Variants in CAPN14 observed in about 807,000 individuals in gnomAD.
CAPN14 encodes the protein calpain-14.
A neutral mutation model predicts 101.3 loss-of-function variants in CAPN14; 94 were observed. The ratio of observed to expected loss-of-function variants is 0.93; its 90% CI spans 0.79 to 1.10. The LOEUF (loss-of-function observed/expected upper bound fraction) is 1.10. Among genes scored for constraint, CAPN14 ranks in the 50% least tolerant of loss-of-function variants. The pLI is 0.00. For synonymous variants in CAPN14, 338 were observed against 317.9 expected (o/e 1.06, Z -0.67); for missense variants, 837 against 828.4 (o/e 1.01, Z -0.13).
chr2:31,224,077 T>C (rs1682946721), intron 2 of CAPN14, among the ~76,000 whole-genome samples: 1 of 152,194 alleles, frequency 6.6e-6, no homozygotes, highest in African/African-American at 2.4e-5. Flanking sequence ...CTCTTTAACA[T>C]GTGAATTCCG....
intron 1 of CAPN14, among the ~76,000 whole-genome samples, chr2:31,209,546 C>G (rs1162481024): frequency 2.0e-5 from 3 of 152,144 alleles, no homozygotes; most frequent in African/African-American, 7.2e-5. Context: ...ACTCCAAACC[C>G]CAATCCCTGT....
intron 15 of CAPN14, among the ~76,000 whole-genome samples, chr2:31,187,424 AC>A (rs1240042306): frequency 2.0e-4 from 24 of 117,378 alleles, no homozygotes; most frequent in African/African-American, 8.2e-4. Context: ...CATGCTCTGC[AC>A]CCCCCACCCC....
intron 1 of CAPN14, among the ~76,000 whole-genome samples, chr2:31,231,419 T>C (rs192772265): frequency 8.5e-5 from 13 of 152,360 alleles, no homozygotes; most frequent in Admixed American, 8.5e-4. Context: ...TTCTATAAAG[T>C]TTTATTATTT....
chr2:31,195,553 T>A (rs1183000074), intron 8 of CAPN14, among the ~76,000 whole-genome samples: 7 of 152,158 alleles, frequency 4.6e-5, no homozygotes, highest in Non-Finnish European at 8.8e-5. Flanking sequence ...GCCGGGCTGG[T>A]CTTGAACTCC....
At chr2:31,232,327 C>T (rs1683220200) in intron 1 of CAPN14, among the ~76,000 whole-genome samples, 1 of 152,092 alleles carries the variant, frequency 6.6e-6, no homozygotes, top group Admixed American at 6.5e-5. Context: ...CAAGATCTGA[C>T]AATTCTATTC....
intron 1 of CAPN14, among the ~76,000 whole-genome samples, chr2:31,215,502 G>A (rs987653531): frequency 6.6e-6 from 1 of 152,132 alleles, no homozygotes; most frequent in Non-Finnish European, 1.5e-5. Flanking sequence ...CACACCCTCT[G>A]CTCTGTCCAA....
chr2:31,202,043 T>G, intron 4 of CAPN14, 45 bp from the exon 5 acceptor site: 1 of 1,550,352 alleles, frequency 6.5e-7, no homozygotes, highest in Non-Finnish European at 8.7e-7. Flanking sequence ...CTGCTGCAGA[T>G]GGTGATCAGC....
At position 31,212,055 on chromosome 2, in the gene CAPN14, C is replaced by T. The variant is rs550116597; in HGVS notation, c.-53+5401G>A. Among the ~76,000 whole-genome samples, 18 of 152,272 alleles carry T rather than the reference C, an allele frequency of 1.2e-4. 1 individual carries two copies. The South Asian group carries it at 1.5e-3, about 12-fold the overall frequency. On this transcript the variant is annotated intron_variant, in intron 1 of 21. Transcript: ENST00000403897. The stretch of plus-strand genomic sequence containing the variant: ...AAACATGGCCAGGCACAGTGGCTCA[C>T]GTCTGCAATCCCAGTACCTTGGGAG...
At chr2:31,181,483 C>A (rs1018559482) in intron 16 of CAPN14, among the ~76,000 whole-genome samples, 1 of 106,424 alleles carries the variant, frequency 9.4e-6, no homozygotes, top group African/African-American at 3.8e-5. Context: ...TTTTCTTTCT[C>A]TCTCTCTCTC....
intron 18 of CAPN14, 118 bp downstream of exon 18, chr2:31,178,393 G>C (rs772947963): frequency 6.6e-5 from 50 of 752,846 alleles, no homozygotes; most frequent in Non-Finnish European, 1.0e-4. Flanking sequence ...GGAGAATAGA[G>C]AAGGTTTGGT....
chr2:31,211,059 A>T (rs1281966269), intron 1 of CAPN14, among the ~76,000 whole-genome samples: 1 of 152,224 alleles, frequency 6.6e-6, no homozygotes, highest in East Asian at 1.9e-4. Context: ...TACTAAAAAA[A>T]TCTAGAGGAA....
intron 15 of CAPN14, 66 bp from the exon 16 acceptor site, chr2:31,186,551 G>A: frequency 8.4e-7 from 1 of 1,186,060 alleles, no homozygotes; most frequent in Non-Finnish European, 1.2e-6. Context: ...TGGCAGAGGG[G>A]TCATATGACT....
intron 16 of CAPN14, among the ~76,000 whole-genome samples, chr2:31,183,267 T>C (rs1680740622): frequency 6.6e-6 from 1 of 152,164 alleles, no homozygotes; most frequent in Admixed American, 6.5e-5. Flanking sequence ...ATTCAGGACA[T>C]AGGCATGGGC....
chr2:31,205,163 A>AGT (rs1259661331), intron 2 of CAPN14, 60 bp downstream of exon 2: 15 of 1,410,874 alleles, frequency 1.1e-5, no homozygotes, highest in Non-Finnish European at 1.4e-5. Context: ...TCTTAGGCGC[A>AGT]GTATCTGAAA....
intron 16 of CAPN14, among the ~76,000 whole-genome samples, chr2:31,185,035 T>A (rs1225818247): frequency 1.3e-5 from 2 of 152,262 alleles, no homozygotes; most frequent in African/African-American, 2.4e-5. Context: ...ACATTTCATC[T>A]TTTTGGTTTG....
intron 7 of CAPN14, among the ~76,000 whole-genome samples, chr2:31,197,968 C>G (rs543116820): frequency 6.6e-6 from 1 of 151,484 alleles, no homozygotes; most frequent in East Asian, 2.0e-4. Context: ...CTGTTGTTTT[C>G]AAGCTCCCCT....
At chr2:31,201,817 GA>G in intron 5 of CAPN14, 44 bp downstream of exon 5, 1 of 1,543,920 alleles carries the variant, frequency 6.5e-7, no homozygotes, top group Non-Finnish European at 8.8e-7. Context: ...TTGAGAGAGA[GA>G]AAAAGAAGCG....
At chr2:31,215,248 TA>T (rs1682589045) in intron 1 of CAPN14, among the ~76,000 whole-genome samples, 1 of 148,894 alleles carries the variant, frequency 6.7e-6, no homozygotes, top group African/African-American at 2.4e-5. Flanking sequence ...GAAAGACTTT[TA>T]AAGCAGATGT....
At chr2:31,217,332 C>CAAAA (rs1289403351) in intron 1 of CAPN14, 124 bp downstream of exon 1, 1 of 152,196 alleles carries the variant, frequency 6.6e-6, no homozygotes, top group Non-Finnish European at 1.5e-5. Context: ...TGTATACACT[C>CAAAA]ACCTGCAAAG....
Sources: gnomAD v4.1 joint callset for allele counts (sites outside exome capture counted in the v4.1 genomes callset) on GRCh38, gnomAD v4.1.1 for gene constraint, MANE v1.5 for transcripts, NCBI Gene and HGNC (gene_info 2026-07-23, HGNC 2026-07-21) for gene names.